The following GRIK4 variants were observed in gnomAD, a reference collection of about 807,000 sequenced individuals.
GRIK4 encodes glutamate ionotropic receptor kainate type subunit 4.
A neutral mutation model predicts 104.9 loss-of-function variants in GRIK4; 40 were observed. The ratio of observed to expected loss-of-function variants is 0.38; its 90% CI spans 0.30 to 0.50. The LOEUF is 0.50. Ranked by LOEUF, GRIK4 falls within the 20% of genes least tolerant of loss-of-function variation. The pLI is 0.93. For missense variants in GRIK4, 1,047 were observed against 1,308.1 expected (o/e 0.80, Z 3.08); for synonymous variants, 485 against 524.9 (o/e 0.92, Z 1.04).
intron 13 of GRIK4, among the ~76,000 whole-genome samples, chr11:120,923,554 A>G (rs918510329): frequency 1.3e-5 from 2 of 151,792 alleles, no homozygotes; most frequent in Admixed American, 1.3e-4. Context: ...CTGGGACTAC[A>G]GGCACCCACC....
At chr11:120,788,240 G>A (rs1952328536) in intron 3 of GRIK4, among the ~76,000 whole-genome samples, 1 of 152,160 alleles carries the variant, frequency 6.6e-6, no homozygotes, top group South Asian at 2.1e-4. Flanking sequence ...AAAGGGACCT[G>A]AAAATGTAGT....
chr11:120,824,394 T>C (rs1168881451), intron 6 of GRIK4, among the ~76,000 whole-genome samples: 3 of 152,172 alleles, frequency 2.0e-5, no homozygotes, highest in Admixed American at 1.3e-4. Flanking sequence ...CCACTGTGGG[T>C]GCCCAGGGCC....
Position 120,900,755 on chromosome 11 carries a change from G to A in GRIK4, c.1272+2116G>A, listed in dbSNP as rs77733212. On this transcript the variant is annotated intron_variant, in intron 12 of 20. Transcript: ENST00000527524. ...GGTATTCTTGGCACAGGGAGCTGTCGAAGCAAGCACTGAGAGAGCAGTTCC... is the reference window on the plus strand; with the variant it reads ...GGTATTCTTGGCACAGGGAGCTGTCAAAGCAAGCACTGAGAGAGCAGTTCC... Among the ~76,000 whole-genome samples the A allele has an allele frequency of 1.3e-4, 20 of 152,230 alleles. No homozygotes were observed. The East Asian group carries it at 1.9e-3, about 15-fold the overall frequency.
chr11:120,668,410 C>T (rs571087194), intron 3 of GRIK4, among the ~76,000 whole-genome samples: 1 of 151,460 alleles, frequency 6.6e-6, no homozygotes, highest in Non-Finnish European at 1.5e-5. Context: ...GAAAAGAAAA[C>T]AAAAAGGAAA....
At chr11:120,611,542 C>T (rs1450154466) in intron 1 of GRIK4, among the ~76,000 whole-genome samples, 2 of 152,184 alleles carry the variant, frequency 1.3e-5, no homozygotes, top group Non-Finnish European at 2.9e-5. Flanking sequence ...CTGTTATCAT[C>T]ATGATTTGCT....
intron 5 of GRIK4, among the ~76,000 whole-genome samples, chr11:120,816,754 C>T (rs1364055282): frequency 2.0e-5 from 3 of 152,112 alleles, no homozygotes; most frequent in Non-Finnish European, 4.4e-5. Context: ...CGTTTAAGTG[C>T]CGCGATCCTA....
intron 18 of GRIK4, among the ~76,000 whole-genome samples, chr11:120,964,553 A>G (rs1215317808): frequency 6.6e-6 from 1 of 152,196 alleles, no homozygotes. Flanking sequence ...GTGAACTGCA[A>G]AATGAACTTA....
chr11:120,579,225 AC>A (rs34079806), intron 1 of GRIK4, among the ~76,000 whole-genome samples: 11,283 of 142,450 alleles, frequency 0.079, 574 homozygotes, highest in East Asian at 0.24. Context: ...CGACAAAATA[AC>A]CCCCCCCCCT....
intron 1 of GRIK4, among the ~76,000 whole-genome samples, chr11:120,609,027 A>G (rs549095168): frequency 6.6e-6 from 1 of 152,278 alleles, no homozygotes; most frequent in South Asian, 2.1e-4. Context: ...ATTCCAAGTG[A>G]AGTTTGGATT....
rs148778550 is a variant in GRIK4 at position 120,956,921 on chromosome 11, C to T, written c.1842C>T (p.Arg614=). 4.2e-5 allele frequency: 67 copies of T among 1,612,618 alleles called. No homozygotes were observed. The highest frequency in any genetic ancestry group is 7.7e-5 in the South Asian group (7 of 90,814). ...AGCAAGGCTCCACCATCGCCCCTCG[C>T]GCCTTATCCACCCGCTGTGTCAGTG... ...FMQQGSTIAP[R]ALSTRCVSGV... Residue 614 remains arginine (R), a synonymous_variant, in exon 16 of 21, where the codon CGC becomes CGT. Transcript: ENST00000527524. The surrounding 1 kb of genome is among the most constrained non-coding windows in gnomAD (Gnocchi z 4.6).
chr11:120,884,814 C>G (rs1201407391), intron 11 of GRIK4, among the ~76,000 whole-genome samples: 1 of 152,268 alleles, frequency 6.6e-6, no homozygotes, highest in Non-Finnish European at 1.5e-5. Context: ...ATGCTAGCTG[C>G]CTGCTGTGAG....
chr11:120,798,505 C>T (rs1187854054), intron 3 of GRIK4, among the ~76,000 whole-genome samples: 1 of 152,064 alleles, frequency 6.6e-6, no homozygotes, highest in Non-Finnish European at 1.5e-5. Context: ...TTGAGACAAT[C>T]TCACTCTGTC....
chr11:120,742,215 G>A (rs1036313212), intron 3 of GRIK4, among the ~76,000 whole-genome samples: 11 of 152,048 alleles, frequency 7.2e-5, no homozygotes, highest in Admixed American at 5.2e-4. Context: ...GCATGTTGGT[G>A]TGTGCCTTTA....
chr11:120,986,388 C>T lies in GRIK4; in HGVS notation c.*128C>T. 1.6e-6 allele frequency: 2 copies of T among 1,244,038 alleles called. No homozygotes were observed. Among genetic ancestry groups the T allele is most frequent in the Non-Finnish European group, 2.1e-6 (2 of 952,414 alleles). 77.1% of individuals were successfully genotyped at this position (1,244,038 alleles called of 1,614,324 possible). ...CCTCTCCAGATTTCGGATCCAGTCA[C>T]TTTTCAAAAAGATCAAGGAGCCTGA... On this transcript the variant is annotated 3_prime_UTR_variant, in exon 21 of 21. Transcript: ENST00000527524.
intron 1 of GRIK4, among the ~76,000 whole-genome samples, chr11:120,512,399 C>G (rs1311830269): frequency 6.6e-6 from 1 of 151,848 alleles, no homozygotes; most frequent in Admixed American, 6.6e-5. Context: ...GGCATCCCAC[C>G]AAGCCCCCTC....
chr11:120,888,274 T>C (rs557701579), intron 11 of GRIK4, among the ~76,000 whole-genome samples: 2 of 152,186 alleles, frequency 1.3e-5, no homozygotes, highest in East Asian at 3.9e-4. Context: ...TATATCTATC[T>C]AGTAGCATAA....
chr11:120,573,910 G>A (rs1455314086), intron 1 of GRIK4, among the ~76,000 whole-genome samples: 1 of 152,210 alleles, frequency 6.6e-6, no homozygotes, highest in Non-Finnish European at 1.5e-5. Context: ...GCTGCAGCAA[G>A]GCTGATGGCA....
intron 1 of GRIK4, among the ~76,000 whole-genome samples, chr11:120,562,067 G>A (rs1440293387): frequency 6.6e-6 from 1 of 152,184 alleles, no homozygotes; most frequent in East Asian, 1.9e-4. Flanking sequence ...GACACTGAGG[G>A]CGTACACACA....
chr11:120,611,955 A>C (rs1654887514), intron 1 of GRIK4, among the ~76,000 whole-genome samples: 1 of 152,100 alleles, frequency 6.6e-6, no homozygotes, highest in Non-Finnish European at 1.5e-5. Flanking sequence ...TTTTGGGTTG[A>C]GGGCACCCCC....
Sources: allele counts gnomAD v4.1 joint callset (sites outside exome capture counted in the v4.1 genomes callset), GRCh38; gene constraint gnomAD v4.1.1; non-coding constraint Gnocchi (gnomAD v3.1); transcripts MANE v1.5; gene names NCBI Gene and HGNC (gene_info 2026-07-23, HGNC 2026-07-21).